Variants in RAD51D observed in about 807,000 individuals in gnomAD.
The protein encoded by RAD51D is RAD51 paralog D, also known as DNA repair protein RAD51 homolog 4.
In RAD51D, 38 loss-of-function variants were observed where a neutral mutation model predicts 44.1. The observed-to-expected ratio is 0.86, with a 90% CI of 0.67 to 1.13. The LOEUF (loss-of-function observed/expected upper bound fraction) is 1.13. RAD51D is among the 50% of genes most tolerant of loss of function. The pLI is 0.00. For synonymous variants in RAD51D, 141 were observed against 166.6 expected (o/e 0.85, Z 1.18); for missense variants, 390 against 414.0 (o/e 0.94, Z 0.50).
In RAD51D at chr17:35,100,664, T is replaced by C. The variant is rs1487294815; in HGVS notation, c.*289A>G. The C allele has an allele frequency of 3.4e-6, 2 of 580,700 alleles. No homozygotes were observed. Among genetic ancestry groups the C allele is most frequent in the East Asian group, 6.7e-5 (2 of 30,002 alleles). The allele number at this position is 580,700 out of a possible 1,614,324, so 36.0% of individuals were successfully genotyped here. A position where few individuals can be genotyped will look rare whatever the true frequency, so the allele number is the denominator to read the frequency against. On this transcript the variant is annotated 3_prime_UTR_variant, in exon 10 of 10. Coordinates refer to ENST00000345365, the MANE Select transcript of RAD51D (RefSeq NM_002878.4). ...CGCCAGCATGCCTCATCAGAGATGC[T>C]CCCAGCCAGGGTGAACTTGGTTTCC...
chr17:35,118,373 C>T, intron 3 of RAD51D, 128 bp downstream of exon 3: 1 of 788,356 alleles, frequency 1.3e-6, no homozygotes, highest in Non-Finnish European at 2.2e-6. Context: ...GTCCTGACCC[C>T]TTTCCTTCCC....
rs1438348322 is a variant in RAD51D, at chr17:35,103,292, G to A, written c.700C>T (p.Leu234=). 6.2e-7 allele frequency: 1 copy of A among 1,611,888 alleles called. No homozygotes were observed. The highest frequency in any genetic ancestry group is 1.1e-5 in the South Asian group (1 of 90,468). ...CCAAGGTCCCGGGCCAGGGTCTTCA[G>A]CTCTCGGGCCAGCTGCATCATCAAG... ...LALMMQLARE[L]KTLARDLGMA... Residue 234 remains leucine, a synonymous_variant, in exon 8 of 10, where the codon CTG becomes TTG. Coordinates refer to ENST00000345365, the MANE Select transcript of RAD51D (RefSeq NM_002878.4). This position sits in a 1 kb window ranked among gnomAD's most constrained non-coding sequence, Gnocchi z 4.1.
At chr17:35,107,289 A>C in intron 4 of RAD51D, 77 bp downstream of exon 4, 1 of 1,467,248 alleles carries the variant, frequency 6.8e-7, no homozygotes, top group South Asian at 1.1e-5. Flanking sequence ...AGTACGCTGA[A>C]GCTCCCCCAG....
rs2091566298 is a variant in RAD51D, at chr17:35,103,612, C to T, written c.577-68G>A. 4.8e-5 allele frequency: 60 copies of T among 1,261,468 alleles called. 1 individual carries two copies. The South Asian group carries it at 5.5e-4, about 12-fold the overall frequency. 78.1% of individuals were successfully genotyped at this position (1,261,468 alleles called of 1,614,324 possible). A position where few individuals can be genotyped will look rare whatever the true frequency, so the allele number is the denominator to read the frequency against. On this transcript the variant is annotated intron_variant, in intron 6 of 9. Transcript: ENST00000345365. This position sits in a 1 kb window ranked among gnomAD's most constrained non-coding sequence, Gnocchi z 4.1. ...TAGGACACATTACAGGACAAGCTTG[C>T]TTTTCTATCTAAAACTAGTAAGAAA...
chr17:35,116,396 T>C (rs2091747002), intron 3 of RAD51D, among the ~76,000 whole-genome samples: 1 of 152,266 alleles, frequency 6.6e-6, no homozygotes, highest in African/African-American at 2.4e-5. Context: ...CTCAAATAAC[T>C]GGTCTGCCGT....
chr17:35,100,229 G>A lies in RAD51D; in HGVS notation c.*724C>T, dbSNP rs970605862. The A allele has an allele frequency of 1.9e-6, 1 of 532,628 alleles. No individual in the cohort carries two copies. Among genetic ancestry groups the A allele is most frequent in the Non-Finnish European group, 3.6e-6 (1 of 275,278 alleles). 33.0% of individuals were successfully genotyped at this position (532,628 alleles called of 1,614,324 possible). ...TCTGTTAAATTATATCCCTGGAACT[G>A]CAGCGAGCCCACACGTTCTCACCTA... On this transcript the variant is annotated 3_prime_UTR_variant, in exon 10 of 10. Transcript: ENST00000345365.
rs2091797738 is a variant in RAD51D at position 35,119,552 on chromosome 17, C to A, written c.62G>T (p.Arg21Met). The A allele has an allele frequency of 6.2e-7, 1 of 1,612,698 alleles. No homozygotes were observed. Among genetic ancestry groups the A allele is most frequent in the Non-Finnish European group, 8.5e-7 (1 of 1,179,928 alleles). The change falls in exon 1 of 10, where the codon AGG becomes ATG. Residue 21 changes from arginine to methionine, a missense_variant. Arg to Met is a moderately conservative substitution (Grantham distance 91, BLOSUM62 -1). Transcript: ENST00000345365. ...GTCACCTGTCTTGATCCTGTGGCTC[C>A]TGAGAAGCTGGATCATCTCCTCGGT... ...GLTEEMIQLLRSHRIKTVVDL... is the reference protein window; with the variant it reads ...GLTEEMIQLLMSHRIKTVVDL...
At chr17:35,118,813 G>A (rs2091782481) in intron 2 of RAD51D, among the ~76,000 whole-genome samples, 194 bp from the exon 3 acceptor site, 1 of 152,184 alleles carries the variant, frequency 6.6e-6, no homozygotes, top group Non-Finnish European at 1.5e-5. Context: ...CACGATCTCG[G>A]CTCACTGCAA....
rs764062108 is a variant in RAD51D, at chr17:35,103,371, G to A, written c.668-47C>T. The A allele has an allele frequency of 1.2e-6, 2 of 1,610,348 alleles. No individual in the cohort carries two copies. Among genetic ancestry groups the A allele is most frequent in the Non-Finnish European group, 1.7e-6 (2 of 1,176,674 alleles). On this transcript the variant is annotated intron_variant, in intron 7 of 9. Coordinates refer to ENST00000345365, the MANE Select transcript of RAD51D (RefSeq NM_002878.4). This position sits in a 1 kb window ranked among gnomAD's most constrained non-coding sequence, Gnocchi z 4.1. ...AGAGGGAGGGCAGTGGGGAACCAGGGATGGGGCTGGCCAGAGACCAGACTC... is the reference window on the plus strand; with the variant it reads ...AGAGGGAGGGCAGTGGGGAACCAGGAATGGGGCTGGCCAGAGACCAGACTC...
rs752285697 is a variant in RAD51D at position 35,119,763 on chromosome 17, C to T, written c.-150G>A. ...GGAGAAAGGAGAGAGGAGGAGGCGG[C>T]ACCAAGGGTAGGGCTGGGGGTCATC... On this transcript the variant is annotated 5_prime_UTR_variant, in exon 1 of 10. Coordinates refer to ENST00000345365, the MANE Select transcript of RAD51D (RefSeq NM_002878.4). 1 of 803,316 alleles carries T rather than the reference C, an allele frequency of 1.2e-6. No homozygotes were observed. The highest frequency in any genetic ancestry group is 2.1e-6 in the Non-Finnish European group (1 of 478,370). 49.8% of individuals were successfully genotyped at this position (803,316 alleles called of 1,614,324 possible). A position where few individuals can be genotyped will look rare whatever the true frequency, so the allele number is the denominator to read the frequency against.
chr17:35,106,630 T>C, intron 5 of RAD51D, 149 bp from the exon 6 acceptor site: 2 of 715,636 alleles, frequency 2.8e-6, no homozygotes, highest in South Asian at 3.0e-5. Flanking sequence ...GTCACAGTGG[T>C]GGCTGCCTGG....
intron 8 of RAD51D, among the ~76,000 whole-genome samples, chr17:35,102,231 G>A (rs2091547580): frequency 6.6e-6 from 1 of 151,826 alleles, no homozygotes; most frequent in African/African-American, 2.4e-5. Context: ...AGGCTGGAGT[G>A]CAGTGGCATG....
chr17:35,109,403 C>T (rs556705952), intron 3 of RAD51D, among the ~76,000 whole-genome samples: 2 of 152,232 alleles, frequency 1.3e-5, no homozygotes, highest in South Asian at 2.1e-4. Context: ...GTTTTTACAA[C>T]GTTGGGATAA....
chr17:35,111,570 A>AC, intron 3 of RAD51D, among the ~76,000 whole-genome samples: 1 of 152,134 alleles, frequency 6.6e-6, no homozygotes, highest in South Asian at 2.1e-4. Context: ...TGTCTCAAAA[A>AC]AAAAAAAATT....
In RAD51D at chr17:35,101,305, A is replaced by G. The variant is rs1472475303; in HGVS notation, c.799T>C (p.Ser267Pro). 1.2e-6 allele frequency: 2 copies of G among 1,614,004 alleles called. No individual in the cohort carries two copies. The highest frequency in any genetic ancestry group is 2.2e-5 in the East Asian group (1 of 44,900). ...CGAGTGCTGGGCACAAAGCTCCAGG[A>G]GCGTCCGAGGGCAGGTTTGAGCCTC... ...SGRLKPALGR[S>P]WSFVPSTRIL... The change falls in exon 9 of 10, where the codon TCC becomes CCC. Residue 267 changes from serine to proline, a missense_variant. Physicochemically the swap from Ser to Pro is moderately conservative, Grantham distance 74. Transcript: ENST00000345365.
chr17:35,115,940 A>AAGGAAGGAAGGAAGGAAGG, intron 3 of RAD51D, among the ~76,000 whole-genome samples: 1 of 109,500 alleles, frequency 9.1e-6, no homozygotes, highest in East Asian at 3.2e-4. Context: ...AGGAAGGAAG[A>AAGGAAGGAAGGAAGGAAGG]AAGAAAAGGA....
At chr17:35,109,334 G>A (rs1208869531) in intron 3 of RAD51D, among the ~76,000 whole-genome samples, 1 of 152,146 alleles carries the variant, frequency 6.6e-6, no homozygotes, top group Non-Finnish European at 1.5e-5. Flanking sequence ...TTTCCACTTT[G>A]GGGCTACTAT....
chr17:35,113,519 T>G lies in RAD51D; in HGVS notation c.263+4982A>C, dbSNP rs542576444. The stretch of plus-strand genomic sequence containing the variant: ...CCTGACCTCAGGTGACCCACTCGCC[T>G]TGGCCTCCCAAAGTGCTGGGATTAT... On this transcript the variant is annotated intron_variant, in intron 3 of 9. Transcript: ENST00000345365. The G allele has an allele frequency of 2.4e-5, 10 of 413,206 alleles. No individual in the cohort carries two copies. In the East Asian group the frequency reaches 7.8e-4, roughly 32 times the overall value. 25.6% of individuals were successfully genotyped at this position (413,206 alleles called of 1,614,324 possible).
Position 35,099,821 on chromosome 17 carries a change from C to T in RAD51D, c.*1132G>A. The T allele has an allele frequency of 2.0e-6, 1 of 495,990 alleles. No homozygotes were observed. The allele number at this position is 495,990 out of a possible 1,614,324, so 30.7% of individuals were successfully genotyped here. ...TGTACTTTTCCTTTTATTTTCCATT[C>T]CCTGGTGTCTTCGTCCCCTCCCAGC... On this transcript the variant is annotated 3_prime_UTR_variant, in exon 10 of 10. Coordinates refer to ENST00000345365, the MANE Select transcript of RAD51D (RefSeq NM_002878.4).
Sources: gnomAD v4.1 joint callset for allele counts (sites outside exome capture counted in the v4.1 genomes callset) on GRCh38, gnomAD v4.1.1 for gene constraint, Gnocchi (gnomAD v3.1) non-coding constraint, MANE v1.5 for transcripts, NCBI Gene and HGNC (gene_info 2026-07-23, HGNC 2026-07-21) for gene names.